The following PCDHAC1 variants were observed in gnomAD, a reference collection of about 807,000 sequenced individuals.
PCDHAC1 encodes protocadherin alpha subfamily C, 1.
PCDHAC1 carries 42 observed loss-of-function variants against 60.0 expected under a neutral mutation model. That is an observed-to-expected ratio of 0.70 (90% CI 0.55 to 0.90). The LOEUF is 0.90. Ranked by LOEUF, PCDHAC1 falls within the 40% of genes least tolerant of loss-of-function variation. PCDHAC1 has a pLI of 0.00. For missense variants in PCDHAC1, 1,160 were observed against 1,222.3 expected, an observed-to-expected ratio of 0.95 and a Z score of 0.76; for synonymous variants, 468 against 499.3, an observed-to-expected ratio of 0.94 and a Z score of 0.84.
At position 140,927,204 on chromosome 5, in the gene PCDHAC1, G is replaced by C. The variant is rs1554204171; in HGVS notation, c.312G>C (p.Pro104=). 6.2e-7 allele frequency: 1 copy of C among 1,614,112 alleles called. No individual in the cohort carries two copies. Among genetic ancestry groups the C allele is most frequent in the Middle Eastern group, 1.6e-4 (1 of 6,062 alleles). ...CCTACGACCTGGTGCTCGAGGACCC[G>C]CTGGAGCTGCACAAGATTCGGATTC... ...VLTYDLVLED[P]LELHKIRIHV... Residue 104 remains proline, a synonymous_variant, in exon 1 of 4, where the codon CCG becomes CCC. Coordinates refer to ENST00000253807, the MANE Select transcript of PCDHAC1 (RefSeq NM_018898.5).
In PCDHAC1 at chr5:140,968,377, T is replaced by C. The variant is rs1461765123; in HGVS notation, c.2434-10572T>C. 2.5e-6 allele frequency: 4 copies of C among 1,613,962 alleles called. No individual in the cohort carries two copies. In the African/African-American group the frequency reaches 4.0e-5, roughly 16 times the overall value. ...GCAGCCTTTATGCTGTCAACTCCTT[T>C]GACTATGAGAAGTTTCGGGAGTTCT... On this transcript the variant is annotated intron_variant, in intron 1 of 3. Transcript: ENST00000253807.
chr5:140,930,375 C>T (rs2086761522), intron 1 of PCDHAC1: 1 of 151,734 alleles, frequency 6.6e-6, no homozygotes, highest in Non-Finnish European at 1.5e-5. Flanking sequence ...GTTAGTGGCC[C>T]TTGGCATTTC....
intron 1 of PCDHAC1, among the ~76,000 whole-genome samples, chr5:140,955,489 A>G (rs1554221953): frequency 1.3e-5 from 2 of 152,114 alleles, no homozygotes; most frequent in Non-Finnish European, 2.9e-5. Context: ...CCTTCCTGCC[A>G]CCATGTGAAG....
chr5:140,995,581 G>A (rs1268400169), intron 3 of PCDHAC1, among the ~76,000 whole-genome samples: 6 of 152,292 alleles, frequency 3.9e-5, no homozygotes, highest in Admixed American at 2.0e-4. Context: ...TGAGCTATGA[G>A]CTTTTAACTT....
At chr5:140,938,125 A>G (rs1339364898) in intron 1 of PCDHAC1, among the ~76,000 whole-genome samples, 1 of 152,120 alleles carries the variant, frequency 6.6e-6, no homozygotes, top group Admixed American at 6.5e-5. Context: ...TTTTTTAAAA[A>G]AATAGAGATA....
rs368067553 is a variant in PCDHAC1 at position 140,928,120 on chromosome 5, G to A, written c.1228G>A (p.Glu410Lys). ...DGPLDREQIS[E>K]YQVLITASDS... ...GCCCCTGGACCGGGAGCAGATCAGT[G>A]AATACCAAGTCCTGATCACGGCCTC... Residue 410 changes from glutamate (E) to lysine (K), a missense_variant, in exon 1 of 4, where the codon GAA becomes AAA. Around this residue, in one of 3 missense-constraint regions of PCDHAC1, gnomAD observed 1,113 missense variants for 1,163.7 expected, o/e 0.96. Transcript: ENST00000253807. The A allele has an allele frequency of 3.1e-6, 5 of 1,614,062 alleles. No homozygotes were observed. Among genetic ancestry groups the A allele is most frequent in the African/African-American group, 1.3e-5 (1 of 74,924 alleles).
intron 1 of PCDHAC1, among the ~76,000 whole-genome samples, chr5:140,945,559 A>T (rs1365534966): frequency 6.6e-6 from 1 of 152,096 alleles, no homozygotes; most frequent in Non-Finnish European, 1.5e-5. Flanking sequence ...GAAGCTGAAG[A>T]CATCATACTA....
At chr5:140,952,797 C>T (rs782258698) in intron 1 of PCDHAC1, among the ~76,000 whole-genome samples, 1 of 152,142 alleles carries the variant, frequency 6.6e-6, no homozygotes. Flanking sequence ...TTAACTGGCT[C>T]GCAGTTCTGC....
At position 140,929,159 on chromosome 5, in the gene PCDHAC1, A is replaced by C. The variant is rs781818133; in HGVS notation, c.2267A>C (p.Tyr756Ser). The C allele has an allele frequency of 1.2e-6, 2 of 1,613,968 alleles. No homozygotes were observed. The highest frequency in any genetic ancestry group is 1.3e-5 in the African/African-American group (1 of 74,864). ...GAGAGACTTTCTCAGACTTATCTCT[A>C]TCGGGCCTCTCTGGGACTTGGTTCT... ...TVERLSQTYLYRASLGLGSDN... is the reference protein window; with the variant it reads ...TVERLSQTYLSRASLGLGSDN... The change falls in exon 1 of 4, where the codon TAT (tyrosine) becomes TCT (serine). Residue 756 changes from tyrosine (Y) to serine (S), a missense_variant. Tyr to Ser is a moderately radical substitution (Grantham distance 144). Coordinates refer to ENST00000253807, the MANE Select transcript of PCDHAC1 (RefSeq NM_018898.5).
rs1231856848 is a variant in PCDHAC1 at position 141,000,389 on chromosome 5, CTCTCTCTA to C, written c.2582-9236_2582-9229del. 6.2e-3 allele frequency among the ~76,000 whole-genome samples: 389 copies of C among 62,448 alleles called. 3 individuals are homozygous for C. Among genetic ancestry groups the C allele is most frequent in the East Asian group, 0.011 (21 of 1,838 alleles). The allele number at this position is 62,448 out of a possible 152,430, so 41.0% of individuals were successfully genotyped here. A position where few individuals can be genotyped will look rare whatever the true frequency, so the allele number is the denominator to read the frequency against. ...TCTCTCTCTCTCTCTCTCTCTCTCT[CTCTCTCTA>C]TATATATATATATATATATATATAT... is the stretch of plus-strand genomic sequence containing the variant. On this transcript the variant is annotated intron_variant, in intron 3 of 3. Coordinates refer to ENST00000253807, the MANE Select transcript of PCDHAC1 (RefSeq NM_018898.5).
chr5:140,929,580 T>A (rs1035039235), intron 1 of PCDHAC1: 13 of 442,122 alleles, frequency 2.9e-5, no homozygotes, highest in African/African-American at 1.0e-4. Context: ...AAAAGTAATA[T>A]GACATAAAGG....
intron 1 of PCDHAC1, chr5:140,966,932 G>A: frequency 6.2e-7 from 1 of 1,603,726 alleles, no homozygotes; most frequent in Non-Finnish European, 8.5e-7. Flanking sequence ...GGCACCCGGC[G>A]CGCTCGTGGG....
chr5:140,982,373 T>C, intron 2 of PCDHAC1, 102 bp from the exon 3 acceptor site: 1 of 1,559,640 alleles, frequency 6.4e-7, no homozygotes, highest in Non-Finnish European at 8.7e-7. Context: ...ATGTGTTAGC[T>C]GCAGCCCTGG....
chr5:140,980,487 G>C (rs2096891705), intron 2 of PCDHAC1, among the ~76,000 whole-genome samples: 1 of 152,124 alleles, frequency 6.6e-6, no homozygotes, highest in African/African-American at 2.4e-5. Flanking sequence ...AAAATTAGCT[G>C]GGCGTGATGG....
At chr5:140,998,300 G>C (rs1287043977) in intron 3 of PCDHAC1, among the ~76,000 whole-genome samples, 1 of 152,194 alleles carries the variant, frequency 6.6e-6, no homozygotes, top group Non-Finnish European at 1.5e-5. Context: ...CACACATTTA[G>C]TAAGGGCACC....
At chr5:140,980,507 G>A (rs1274816745) in intron 2 of PCDHAC1, among the ~76,000 whole-genome samples, 1 of 152,136 alleles carries the variant, frequency 6.6e-6, no homozygotes, top group African/African-American at 2.4e-5. Flanking sequence ...GCATGTGCCT[G>A]TAGTTCCAGC....
rs571779587 is a variant in PCDHAC1 at position 140,961,550 on chromosome 5, C to CT, written c.2434-17392dup. 1.8e-3 allele frequency among the ~76,000 whole-genome samples: 273 copies of CT among 152,148 alleles called. 1 individual carries two copies. Among genetic ancestry groups the CT allele is most frequent in the Middle Eastern group, 3.4e-3 (1 of 294 alleles). ...TAGATAGACTGTTCCTGCAGCATTT[C>CT]TTTTTTTAAATTTTGTTTTGATAAG... On this transcript the variant is annotated intron_variant, in intron 1 of 3. Transcript: ENST00000253807.
rs782413551 is a variant in PCDHAC1, at chr5:141,009,873, A to G, written c.2828A>G (p.Lys943Arg). Residue 943 changes from lysine to arginine, a missense_variant, in exon 4 of 4, where the codon AAG becomes AGG. By Grantham distance (26) the Lys-to-Arg change is conservative. Coordinates refer to ENST00000253807, the MANE Select transcript of PCDHAC1 (RefSeq NM_018898.5). ...EETKKKKKKK[K>R]GNKTQEKKEK... The stretch of plus-strand genomic sequence containing the variant: ...ACCAAGAAAAAGAAGAAAAAGAAGA[A>G]GGGTAACAAGACCCAGGAGAAAAAA... 6.2e-7 allele frequency: 1 copy of G among 1,614,034 alleles called. No individual in the cohort carries two copies. The highest frequency in any genetic ancestry group is 8.5e-7 in the Non-Finnish European group (1 of 1,180,008).
chr5:140,983,211 T>C (rs1429696975), intron 3 of PCDHAC1, among the ~76,000 whole-genome samples: 1 of 152,204 alleles, frequency 6.6e-6, no homozygotes, highest in African/African-American at 2.4e-5. Context: ...AGGGACTATT[T>C]CCTAATCCAA....
Sources: allele counts gnomAD v4.1 joint callset (sites outside exome capture counted in the v4.1 genomes callset), GRCh38; gene constraint gnomAD v4.1.1; regional missense constraint gnomAD v4.1.1; transcripts MANE v1.5; gene names NCBI Gene and HGNC (gene_info 2026-07-23, HGNC 2026-07-21).